MYO10: variants seen among roughly 807,000 people sequenced by gnomAD.
MYO10 encodes unconventional myosin-X.
MYO10 carries 133 observed loss-of-function variants against 257.3 expected under a neutral mutation model. The ratio of observed to expected loss-of-function variants is 0.52; its 90% CI spans 0.45 to 0.60. The LOEUF is 0.60. Ranked by LOEUF, MYO10 falls within the 20% of genes least tolerant of loss-of-function variation. The pLI, the probability that MYO10 is intolerant of heterozygous loss-of-function variation, is 0.00. For missense variants in MYO10, 2,399 were observed against 2,635.7 expected, an observed-to-expected ratio of 0.91 and a Z score of 1.97; for synonymous variants, 1,104 against 1,028.6, an observed-to-expected ratio of 1.07 and a Z score of -1.40.
chr5:16,670,507 C>G lies in MYO10; in HGVS notation c.5883+19G>C, dbSNP rs1736396434. ...TGCCAGCACCCAGCCCACCCCAACA[C>G]ACGGCAGCCAGTTCTCACCTCCACA... On this transcript the variant is annotated intron_variant, in intron 39 of 40. Transcript: ENST00000513610. The G allele has an allele frequency of 6.3e-7, 1 of 1,579,210 alleles. No individual in the cohort carries two copies. Among genetic ancestry groups the G allele is most frequent in the African/African-American group, 1.3e-5 (1 of 74,364 alleles).
At chr5:16,688,586 C>A (rs1447081274) in intron 28 of MYO10, among the ~76,000 whole-genome samples, 2 of 151,820 alleles carry the variant, frequency 1.3e-5, no homozygotes, top group African/African-American at 4.8e-5. Context: ...ATAAAAAATA[C>A]AACATTTGCC....
At chr5:16,934,878 G>T (rs1018497119) in intron 1 of MYO10, among the ~76,000 whole-genome samples, 3 of 152,206 alleles carry the variant, frequency 2.0e-5, no homozygotes, top group Admixed American at 6.5e-5. Context: ...CTCCAAAGCG[G>T]TTCTGCACTC....
chr5:16,792,583 CG>C (rs35424758), intron 4 of MYO10, among the ~76,000 whole-genome samples: 1 of 140,654 alleles, frequency 7.1e-6, no homozygotes, highest in African/African-American at 2.9e-5. Context: ...CCCACAGGAG[CG>C]GGGGGCGGGG....
chr5:16,761,532 G>A lies in MYO10; in HGVS notation c.1671C>T (p.Val557=). The A allele has an allele frequency of 2.5e-6, 4 of 1,612,454 alleles. No homozygotes were observed. Among genetic ancestry groups the A allele is most frequent in the Non-Finnish European group, 3.4e-6 (4 of 1,178,982 alleles). The change falls in exon 17 of 41, where the codon GTC becomes GTT. Residue 557 remains valine (V), a synonymous_variant. Coordinates refer to ENST00000513610, the MANE Select transcript of MYO10 (RefSeq NM_012334.3). ...CTCTGTTCTTCTCCAAGATACCTCG[G>A]ACATCATATTGCACCTAGTTTTAAT... ...KHYAGEVQYD[V]RGILEKNRDT... is the part of the protein sequence containing the mutation.
chr5:16,931,449 G>A (rs1012253369), intron 1 of MYO10, among the ~76,000 whole-genome samples: 10 of 152,054 alleles, frequency 6.6e-5, no homozygotes, highest in Non-Finnish European at 1.2e-4. Context: ...AACAGTGAGG[G>A]ACCTGCCCAT....
At position 16,747,937 on chromosome 5, in the gene MYO10, A is replaced by AG. The variant is rs752796803; in HGVS notation, c.1929+6890_1929+6891insC. Among the ~76,000 whole-genome samples the AG allele has an allele frequency of 4.5e-3, 548 of 122,954 alleles. 2 individuals are homozygous for AG. Among genetic ancestry groups the AG allele is most frequent in the African/African-American group, 6.6e-3 (137 of 20,818 alleles). 80.7% of individuals were successfully genotyped at this position (122,954 alleles called of 152,430 possible). ...CCGTCTCAAAAAAAAAAAAAAAAAA[A>AG]AAAAAAAAAGAAAAAAAAAAAGATA... On this transcript the variant is annotated intron_variant, in intron 19 of 40. Coordinates refer to ENST00000513610, the MANE Select transcript of MYO10 (RefSeq NM_012334.3).
intron 18 of MYO10, among the ~76,000 whole-genome samples, chr5:16,756,436 G>A (rs1740530575): frequency 1.3e-5 from 2 of 152,250 alleles, no homozygotes; most frequent in South Asian, 4.1e-4. Context: ...ATTGGTGGAT[G>A]CATCTTTTCA....
At position 16,763,774 on chromosome 5, in the gene MYO10, C is replaced by T; in HGVS notation, c.1327-19G>A. ...GATTAACCTAAGGGGGGAAAGCATT[C>T]AATAAGTATCTTTAGTGTACTCACG... is the stretch of plus-strand genomic sequence containing the variant. On this transcript the variant is annotated intron_variant, in intron 12 of 40. Transcript: ENST00000513610. 7.2e-7 allele frequency: 1 copy of T among 1,382,632 alleles called. No homozygotes were observed. The highest frequency in any genetic ancestry group is 1.0e-6 in the Non-Finnish European group (1 of 980,360). The allele number at this position is 1,382,632 out of a possible 1,614,324, so 85.6% of individuals were successfully genotyped here. A position where few individuals can be genotyped will look rare whatever the true frequency, so the allele number is the denominator to read the frequency against.
rs868344564 is a variant in MYO10, at chr5:16,753,458, T to C, written c.1929+1370A>G. On this transcript the variant is annotated intron_variant, in intron 19 of 40. Transcript: ENST00000513610. ...CTGGGATTACAGGCGTGAGCCACCGTGCCCGGCCTTTTTTTTTTTTTTTTT... is the reference window on the plus strand; with the variant it reads ...CTGGGATTACAGGCGTGAGCCACCGCGCCCGGCCTTTTTTTTTTTTTTTTT... Among the ~76,000 whole-genome samples the C allele has an allele frequency of 8.2e-4, 117 of 143,378 alleles. 2 individuals are homozygous for C. In the Middle Eastern group the frequency reaches 0.015, roughly 18 times the overall value. The allele number at this position is 143,378 out of a possible 152,430, so 94.1% of individuals were successfully genotyped here. A position where few individuals can be genotyped will look rare whatever the true frequency, so the allele number is the denominator to read the frequency against.
intron 1 of MYO10, among the ~76,000 whole-genome samples, chr5:16,907,287 G>A (rs1304934972): frequency 6.6e-6 from 1 of 152,030 alleles, no homozygotes; most frequent in Non-Finnish European, 1.5e-5. Flanking sequence ...AGTAATTCCA[G>A]GGCACACGCT....
At chr5:16,886,461 G>C (rs149812488) in intron 1 of MYO10, among the ~76,000 whole-genome samples, 1 of 152,138 alleles carries the variant, frequency 6.6e-6, no homozygotes, top group African/African-American at 2.4e-5. Context: ...TCAGAATTCC[G>C]ACATAATTTC....
intron 1 of MYO10, among the ~76,000 whole-genome samples, chr5:16,911,024 A>C (rs1379012326): frequency 6.6e-6 from 1 of 152,192 alleles, no homozygotes; most frequent in Non-Finnish European, 1.5e-5. Flanking sequence ...TCAAGAGACA[A>C]GATTATCCAA....
In MYO10 at chr5:16,794,736, A is replaced by G; in HGVS notation, c.377T>C (p.Leu126Pro). ...GAAGATGTGCGGGGGCAGCTCGCCC[A>G]GGTGGCGCCGGCTGTACTGCTCCAT... ...ATMEQYSRRH[L>P]GELPPHIFAI... The change falls in exon 4 of 41, where the codon CTG becomes CCG. Residue 126 changes from leucine to proline, a missense_variant. Around this residue, in one of 3 missense-constraint regions of MYO10, gnomAD observed 242 missense variants for 249.5 expected, o/e 0.97. Coordinates refer to ENST00000513610, the MANE Select transcript of MYO10 (RefSeq NM_012334.3). The G allele has an allele frequency of 3.7e-6, 6 of 1,613,280 alleles. No individual in the cohort carries two copies. Among genetic ancestry groups the G allele is most frequent in the Non-Finnish European group, 5.1e-6 (6 of 1,179,638 alleles).
chr5:16,735,834 T>C (rs1052263298), intron 19 of MYO10, among the ~76,000 whole-genome samples: 1 of 152,180 alleles, frequency 6.6e-6, no homozygotes, highest in Non-Finnish European at 1.5e-5. Context: ...GGCTGGTCTG[T>C]GACACAGTAA....
Position 16,701,591 on chromosome 5 carries a change from C to A in MYO10, c.2804G>T (p.Cys935Phe), listed in dbSNP as rs558056549. ...CTCGAGGAACTCCTGGGCCGCCCTG[C>A]ACGCTTCCTCCTCCAGCCTGCGGAG... ...QELRRLEEEA[C>F]RAAQEFLESL... Residue 935 changes from cysteine to phenylalanine, a missense_variant, in exon 25 of 41, where the codon TGC becomes TTC. By Grantham distance (205) the Cys-to-Phe change is radical. Around this residue, in one of 3 missense-constraint regions of MYO10, gnomAD observed 1,820 missense variants for 1,939.4 expected, o/e 0.94. Transcript: ENST00000513610. This position sits in a 1 kb window ranked among gnomAD's most constrained non-coding sequence, Gnocchi z 8.1. The A allele has an allele frequency of 2.5e-6, 4 of 1,613,642 alleles. No homozygotes were observed. In the African/African-American group the frequency reaches 5.3e-5, roughly 21 times the overall value.
intron 3 of MYO10, among the ~76,000 whole-genome samples, chr5:16,795,452 A>T (rs1240164474): frequency 6.6e-6 from 1 of 152,130 alleles, no homozygotes; most frequent in Non-Finnish European, 1.5e-5. Context: ...AAAAATACAA[A>T]AATTAGCCAG....
intron 3 of MYO10, among the ~76,000 whole-genome samples, chr5:16,800,818 T>C (rs1354943234): frequency 6.6e-6 from 1 of 152,208 alleles, no homozygotes; most frequent in East Asian, 1.9e-4. Context: ...TCAGGGGGTA[T>C]TGAAAAGTGT....
At chr5:16,876,727 G>A (rs557248281) in intron 2 of MYO10, among the ~76,000 whole-genome samples, 1 of 152,218 alleles carries the variant, frequency 6.6e-6, no homozygotes, top group African/African-American at 2.4e-5. Context: ...GTTAATTTTT[G>A]TATTTTTAGT....
chr5:16,718,283 C>T (rs943101898), intron 19 of MYO10, among the ~76,000 whole-genome samples: 4 of 152,244 alleles, frequency 2.6e-5, no homozygotes, highest in Admixed American at 2.6e-4. Flanking sequence ...ACGAGCACCG[C>T]CCCCTGCTCC....
Sources: gnomAD v4.1 joint callset for allele counts (sites outside exome capture counted in the v4.1 genomes callset) on GRCh38, gnomAD v4.1.1 for gene constraint, gnomAD v4.1.1 regional missense constraint, Gnocchi (gnomAD v3.1) non-coding constraint, MANE v1.5 for transcripts, NCBI Gene and HGNC (gene_info 2026-07-23, HGNC 2026-07-21) for gene names.